The following WFDC8 variants were observed in gnomAD, a reference collection of about 807,000 sequenced individuals.
WFDC8 encodes the protein WAP four-disulfide core domain 8.
Under a neutral mutation model 27.0 loss-of-function variants are expected in WFDC8, and 24 were observed. That is an observed-to-expected ratio of 0.89 (90% confidence interval 0.64 to 1.25). WFDC8 has a LOEUF of 1.25. WFDC8 is among the 50% of genes most tolerant of loss of function. The pLI is 0.00. For synonymous variants in WFDC8, 106 were observed against 99.7 expected, an observed-to-expected ratio of 1.06 and a Z score of -0.38; for missense variants, 287 against 295.9, an observed-to-expected ratio of 0.97 and a Z score of 0.22.
Position 45,558,933 on chromosome 20 carries a change from A to T in WFDC8, c.196T>A (p.Cys66Ser). 1 of 1,614,192 alleles carries T rather than the reference A, an allele frequency of 6.2e-7. No individual in the cohort carries two copies. Among genetic ancestry groups the T allele is most frequent in the Non-Finnish European group, 8.5e-7 (1 of 1,180,014 alleles). The stretch of plus-strand genomic sequence containing the variant: ...TCCTTGCAGTCAAAATCTGTGTTAC[A>T]TGAGTCCGGAAGTTCAGTGGTACAG... ...LTCTTELPDS[C>S]NTDFDCKEYQ... is the part of the protein sequence containing the mutation. The change falls in exon 3 of 6, where the codon TGT (cysteine) becomes AGT (serine). Residue 66 changes from cysteine (C) to serine (S), a missense_variant. Cys to Ser is a moderately radical substitution (Grantham distance 112). Coordinates refer to ENST00000289953, the MANE Select transcript of WFDC8 (RefSeq NM_130896.3).
intron 5 of WFDC8, among the ~76,000 whole-genome samples, 184 bp from the exon 6 acceptor site, chr20:45,552,349 G>C (rs1310110731): frequency 6.6e-6 from 1 of 152,160 alleles, no homozygotes; most frequent in Non-Finnish European, 1.5e-5. Flanking sequence ...AACTTGAGGA[G>C]CATCAAGAAA....
intron 1 of WFDC8, among the ~76,000 whole-genome samples, chr20:45,565,739 C>G (rs754656206): frequency 4.6e-5 from 7 of 152,112 alleles, no homozygotes; most frequent in Non-Finnish European, 1.0e-4. Context: ...TTGCTGTCTA[C>G]CCTAGAAATA....
At chr20:45,556,901 A>C (rs1042444518) in intron 3 of WFDC8, among the ~76,000 whole-genome samples, 17 of 152,172 alleles carry the variant, frequency 1.1e-4, no homozygotes, top group Non-Finnish European at 2.4e-4. Context: ...CACTTCCCAA[A>C]GCCAAACTTG....
chr20:45,573,837 G>T (rs1980953423), intron 1 of WFDC8, among the ~76,000 whole-genome samples: 1 of 152,124 alleles, frequency 6.6e-6, no homozygotes, highest in African/African-American at 2.4e-5. Flanking sequence ...TAAATGTATA[G>T]ATTTATTTCT....
intron 3 of WFDC8, among the ~76,000 whole-genome samples, chr20:45,557,837 A>C (rs1980321520): frequency 6.6e-6 from 1 of 152,226 alleles, no homozygotes; most frequent in African/African-American, 2.4e-5. Context: ...AGTACCTAGA[A>C]GGAATGAAAT....
rs775630123 is a variant in WFDC8 at position 45,555,860 on chromosome 20, T to C, written c.286A>G (p.Met96Val). Reference protein sequence around the residue: ...KCMDPFQEPCMLPVRHGNCNH... With the variant: ...KCMDPFQEPCVLPVRHGNCNH... ...CAGTTTCCATGCCTCACAGGTAGCATGCAGGGTTCTGAGGTCAGGAAGCAA... is the reference window on the plus strand; with the variant it reads ...CAGTTTCCATGCCTCACAGGTAGCACGCAGGGTTCTGAGGTCAGGAAGCAA... The change falls in exon 4 of 6, where the codon ATG becomes GTG. Residue 96 changes from methionine to valine, a missense_variant. Transcript: ENST00000289953. 1 of 1,613,860 alleles carries C rather than the reference T, an allele frequency of 6.2e-7. No individual in the cohort carries two copies. Among genetic ancestry groups the C allele is most frequent in the African/African-American group, 1.3e-5 (1 of 75,008 alleles).
intron 2 of WFDC8, among the ~76,000 whole-genome samples, chr20:45,560,257 G>A (rs1980418956): frequency 6.6e-6 from 1 of 152,184 alleles, no homozygotes; most frequent in Admixed American, 6.5e-5. Context: ...AGAAGTGACA[G>A]CCAGTAAAGG....
In WFDC8 at chr20:45,562,192, G is replaced by A. The variant is rs1280149453; in HGVS notation, c.54C>T (p.Phe18=). Residue 18 remains phenylalanine (F), a synonymous_variant, in exon 2 of 6, where the codon TTC becomes TTT. Transcript: ENST00000289953. ...GGHFPLHSPT[F]SWRNVAFLLL... ...GCAGGAAAGCTACATTCCTCCAGGA[G>A]AAGGTGGGGCTATGGAGAGGAAAGT... 1.9e-6 allele frequency: 3 copies of A among 1,614,076 alleles called. No individual in the cohort carries two copies. Among genetic ancestry groups the A allele is most frequent in the Non-Finnish European group, 2.5e-6 (3 of 1,180,022 alleles).
intron 1 of WFDC8, among the ~76,000 whole-genome samples, chr20:45,565,061 A>G (rs74499601): frequency 4.2e-5 from 6 of 143,528 alleles, no homozygotes; most frequent in Non-Finnish European, 6.1e-5. Context: ...GGAAGAAGAG[A>G]GAGGGAGGGA....
chr20:45,575,883 T>C (rs147155016), intron 1 of WFDC8, among the ~76,000 whole-genome samples: 1 of 151,308 alleles, frequency 6.6e-6, no homozygotes, highest in Non-Finnish European at 1.5e-5. Flanking sequence ...TAGCATAGCA[T>C]GTTCTGTTGC....
chr20:45,573,700 T>C (rs1023261034), intron 1 of WFDC8, among the ~76,000 whole-genome samples: 8 of 152,228 alleles, frequency 5.3e-5, no homozygotes, highest in Admixed American at 5.2e-4. Flanking sequence ...TTGATTTTTT[T>C]GCATGGTGTG....
intron 1 of WFDC8, among the ~76,000 whole-genome samples, chr20:45,573,960 A>G (rs1322248994): frequency 2.6e-5 from 4 of 152,162 alleles, no homozygotes; most frequent in African/African-American, 4.8e-5. Context: ...TGATGCCTCC[A>G]GCTGTGTTCT....
intron 1 of WFDC8, among the ~76,000 whole-genome samples, 185 bp from the exon 2 acceptor site, chr20:45,562,404 C>T (rs977366933): frequency 3.3e-5 from 5 of 152,150 alleles, no homozygotes; most frequent in East Asian, 1.9e-4. Flanking sequence ...TAAGACATTC[C>T]GTTTCAGGAC....
chr20:45,562,500 CACACTTGAATGATCACA>C (rs3841675), intron 1 of WFDC8, among the ~76,000 whole-genome samples: 5,047 of 152,274 alleles, frequency 0.033, 163 homozygotes, highest in East Asian at 0.17. Flanking sequence ...GGTAAAAGGC[CACACTTGAATGATCACA>C]AGGATTTATT....
intron 1 of WFDC8, among the ~76,000 whole-genome samples, chr20:45,578,932 C>T (rs989828703): frequency 1.3e-5 from 2 of 152,114 alleles, no homozygotes; most frequent in Non-Finnish European, 2.9e-5. Flanking sequence ...CATGGTGAAA[C>T]CCCGTCTCTA....
chr20:45,565,128 G>A (rs1444730016), intron 1 of WFDC8, among the ~76,000 whole-genome samples: 1 of 149,706 alleles, frequency 6.7e-6, no homozygotes, highest in African/African-American at 2.5e-5. Context: ...GAGAAGGAAG[G>A]AAGGAAGGGA....
intron 4 of WFDC8, among the ~76,000 whole-genome samples, chr20:45,555,280 C>G (rs1475515323): frequency 6.6e-6 from 1 of 152,196 alleles, no homozygotes; most frequent in East Asian, 1.9e-4. Flanking sequence ...ACCCTACTCT[C>G]CACCTCCAGT....
chr20:45,551,290 T>C (rs1980023984), downstream of WFDC8: 1 of 152,156 alleles, frequency 6.6e-6, no homozygotes, highest in African/African-American at 2.4e-5. Flanking sequence ...AATTCAGTAG[T>C]CATTTTCAGT....
rs1568992723 is a variant in WFDC8 at position 45,553,161 on chromosome 20, G to C, written c.561C>G (p.Gly187=). The C allele has an allele frequency of 6.2e-7, 1 of 1,613,464 alleles. No individual in the cohort carries two copies. The highest frequency in any genetic ancestry group is 1.3e-5 in the African/African-American group (1 of 74,890). The change falls in exon 5 of 6, where the codon GGC becomes GGG. Residue 187 remains glycine, a synonymous_variant. Coordinates refer to ENST00000289953, the MANE Select transcript of WFDC8 (RefSeq NM_130896.3). ...QTDKCCESRC[G]FVCARAWTVK... ...CTGTCCAGGCCCTGGCACAAACAAAGCCACACCTGGATTCACAACATTTGT... is the reference window on the plus strand; with the variant it reads ...CTGTCCAGGCCCTGGCACAAACAAACCCACACCTGGATTCACAACATTTGT...
Sources: allele counts gnomAD v4.1 joint callset (sites outside exome capture counted in the v4.1 genomes callset), GRCh38; gene constraint gnomAD v4.1.1; transcripts MANE v1.5; gene names NCBI Gene and HGNC (gene_info 2026-07-23, HGNC 2026-07-21).